CNTNAP5: variants seen among roughly 807,000 people sequenced by gnomAD.
CNTNAP5 encodes the protein contactin associated protein family member 5, also known as contactin-associated protein-like 5.
CNTNAP5 carries 72 observed loss-of-function variants against 150.2 expected under a neutral mutation model. The observed-to-expected ratio is 0.48, with a 90% CI of 0.40 to 0.58. CNTNAP5 has a LOEUF of 0.58. Ranked by LOEUF, CNTNAP5 falls within the 20% of genes least tolerant of loss-of-function variation. CNTNAP5 has a pLI of 0.00. For missense variants in CNTNAP5, 1,636 were observed against 1,626.2 expected (o/e 1.01, Z -0.10); for synonymous variants, 672 against 619.8 (o/e 1.08, Z -1.25).
At chr2:124,818,287 C>A (rs1682410878) in intron 19 of CNTNAP5, among the ~76,000 whole-genome samples, 1 of 152,150 alleles carries the variant, frequency 6.6e-6, no homozygotes, top group Non-Finnish European at 1.5e-5. Flanking sequence ...GTAACTGGCT[C>A]CCAGAATTGC....
At chr2:124,383,455 G>A (rs1336420494) in intron 3 of CNTNAP5, among the ~76,000 whole-genome samples, 1 of 152,156 alleles carries the variant, frequency 6.6e-6, no homozygotes, top group East Asian at 1.9e-4. Context: ...GTTAACCGCA[G>A]TAATAATTGA....
chr2:124,662,567 C>A (rs1023034324), intron 13 of CNTNAP5, among the ~76,000 whole-genome samples: 2 of 152,160 alleles, frequency 1.3e-5, no homozygotes, highest in Non-Finnish European at 1.5e-5. Context: ...AGGAAATGGA[C>A]ACTTAGAGGT....
chr2:124,156,976 G>A (rs1362606495), intron 1 of CNTNAP5, among the ~76,000 whole-genome samples: 1 of 152,198 alleles, frequency 6.6e-6, no homozygotes, highest in African/African-American at 2.4e-5. Context: ...TCACCTGATA[G>A]TTATGGAAAG....
chr2:124,865,760 A>G (rs1326847707), intron 20 of CNTNAP5, among the ~76,000 whole-genome samples: 2 of 152,022 alleles, frequency 1.3e-5, no homozygotes, highest in African/African-American at 2.4e-5. Context: ...CCTGGCCAAA[A>G]TAGTGAAACC....
chr2:124,372,058 C>T (rs1037598753), intron 3 of CNTNAP5, among the ~76,000 whole-genome samples: 1 of 151,950 alleles, frequency 6.6e-6, no homozygotes, highest in Admixed American at 6.6e-5. Flanking sequence ...GGATGGGCAT[C>T]GTCCAATTGG....
chr2:124,495,845 C>T (rs1694130195), intron 7 of CNTNAP5, among the ~76,000 whole-genome samples: 2 of 152,128 alleles, frequency 1.3e-5, no homozygotes, highest in Admixed American at 1.3e-4. Flanking sequence ...TCTCTTCCTC[C>T]ACCCAAGTCC....
chr2:124,504,372 G>T lies in CNTNAP5; in HGVS notation c.1143G>T (p.Leu381=), dbSNP rs780725853. 3 of 1,613,926 alleles carry T rather than the reference G, an allele frequency of 1.9e-6. No homozygotes were observed. Among genetic ancestry groups the T allele is most frequent in the Non-Finnish European group, 2.5e-6 (3 of 1,179,880 alleles). ...FVNSSGSYLL[L]PGTPQIDGLS... is the part of the protein sequence containing the mutation. ...ACTCCAGCGGCAGCTATTTGCTGCT[G>T]CCCGGCACCCCCCAAATTGATGGGC... The change falls in exon 8 of 24, where the codon CTG becomes CTT. Residue 381 remains leucine, a synonymous_variant. Transcript: ENST00000682447.
At chr2:124,417,335 G>T (rs771407926) in intron 3 of CNTNAP5, 108 bp from the exon 4 acceptor site, 26 of 1,121,320 alleles carry the variant, frequency 2.3e-5, no homozygotes, top group Non-Finnish European at 1.3e-6. Flanking sequence ...TGAAATACGT[G>T]AGAAATTAGG....
At chr2:124,719,853 G>A (rs1223912306) in intron 13 of CNTNAP5, among the ~76,000 whole-genome samples, 2 of 152,104 alleles carry the variant, frequency 1.3e-5, no homozygotes, top group African/African-American at 4.8e-5. Flanking sequence ...AGAGTGCATG[G>A]CTAATATTTT....
chr2:124,030,958 C>T (rs1681031378), intron 1 of CNTNAP5, among the ~76,000 whole-genome samples: 1 of 152,014 alleles, frequency 6.6e-6, no homozygotes, highest in African/African-American at 2.4e-5. Context: ...CAGGACTGGC[C>T]CTGATCTGGC....
chr2:124,867,825 A>C (rs1840209), intron 20 of CNTNAP5, among the ~76,000 whole-genome samples: 10,299 of 152,152 alleles, frequency 0.068, 1,115 homozygotes, highest in African/African-American at 0.23. Context: ...CAGACCTTAT[A>C]CCAACTACCT....
At chr2:124,428,461 T>C (rs2901270) in intron 4 of CNTNAP5, among the ~76,000 whole-genome samples, 149,138 of 152,234 alleles carry the variant, frequency 0.98, 73,128 homozygotes, top group East Asian at 1. Flanking sequence ...GTTTGAGCTT[T>C]GGGAAGATGG....
At chr2:124,328,188 A>T (rs1282705452) in intron 3 of CNTNAP5, among the ~76,000 whole-genome samples, 1 of 151,976 alleles carries the variant, frequency 6.6e-6, no homozygotes, top group East Asian at 1.9e-4. Flanking sequence ...TTCATTTATC[A>T]TATATAAGAT....
intron 19 of CNTNAP5, among the ~76,000 whole-genome samples, chr2:124,802,301 C>A (rs1681987021): frequency 6.6e-6 from 1 of 152,180 alleles, no homozygotes; most frequent in African/African-American, 2.4e-5. Flanking sequence ...AAGTCTCTCC[C>A]TGGCAGGGGT....
At chr2:124,313,606 GA>G (rs892453876) in intron 3 of CNTNAP5, among the ~76,000 whole-genome samples, 7 of 151,924 alleles carry the variant, frequency 4.6e-5, no homozygotes, top group Non-Finnish European at 7.4e-5. Context: ...AACAAGAAAG[GA>G]AAAAAAATCT....
chr2:124,523,482 T>C (rs951237743), intron 8 of CNTNAP5, among the ~76,000 whole-genome samples: 1 of 152,166 alleles, frequency 6.6e-6, no homozygotes, highest in African/African-American at 2.4e-5. Flanking sequence ...AAGGAAATAG[T>C]TGAAACCTCA....
At chr2:124,707,363 TTTTG>T (rs771202090) in intron 13 of CNTNAP5, among the ~76,000 whole-genome samples, 18 of 152,142 alleles carry the variant, frequency 1.2e-4, no homozygotes, top group Non-Finnish European at 1.8e-4. Flanking sequence ...AAATTGAGTT[TTTTG>T]TTTGTTTATT....
intron 10 of CNTNAP5, among the ~76,000 whole-genome samples, chr2:124,541,020 G>A (rs770383831): frequency 6.6e-6 from 1 of 151,890 alleles, no homozygotes; most frequent in African/African-American, 2.4e-5. Context: ...TACAGAGGTC[G>A]CTGCAAACTT....
intron 21 of CNTNAP5, among the ~76,000 whole-genome samples, chr2:124,897,190 T>A (rs1043911749): frequency 6.6e-6 from 1 of 151,592 alleles, no homozygotes; most frequent in Non-Finnish European, 1.5e-5. Flanking sequence ...TAGGGAACCA[T>A]AAATATACAT....
Sources: gnomAD v4.1 joint callset for allele counts (sites outside exome capture counted in the v4.1 genomes callset) on GRCh38, gnomAD v4.1.1 for gene constraint, MANE v1.5 for transcripts, NCBI Gene and HGNC (gene_info 2026-07-23, HGNC 2026-07-21) for gene names.